NUP98: variants seen among roughly 807,000 people sequenced by gnomAD.
The protein encoded by NUP98 is nuclear pore complex protein Nup98-Nup96.
In NUP98, 26 loss-of-function variants were observed where a neutral mutation model predicts 191.9. The ratio of observed to expected loss-of-function variants is 0.14; its 90% CI spans 0.10 to 0.19. The LOEUF is 0.19. Ranked by LOEUF, NUP98 falls within the 10% of genes least tolerant of loss-of-function variation. The pLI is 1.00. For synonymous variants in NUP98, 808 were observed against 778.4 expected (o/e 1.04, Z -0.63); for missense variants, 1,941 against 2,178.8 (o/e 0.89, Z 2.17).
intron 5 of NUP98, 146 bp downstream of exon 5, chr11:3,775,736 T>C (rs1166371975): frequency 3.0e-6 from 2 of 658,852 alleles, no homozygotes; most frequent in South Asian, 2.0e-5. Context: ...CTGTCTACTA[T>C]ACAACTATTT....
chr11:3,759,817 ACTTT>A (rs1219070643), intron 10 of NUP98, among the ~76,000 whole-genome samples: 1 of 152,036 alleles, frequency 6.6e-6, no homozygotes, highest in Non-Finnish European at 1.5e-5. Flanking sequence ...AAAGGTTTCA[ACTTT>A]CTTCTATTAT....
chr11:3,697,480 T>C (rs1027146890), intron 25 of NUP98, among the ~76,000 whole-genome samples: 4 of 152,066 alleles, frequency 2.6e-5, no homozygotes, highest in Admixed American at 6.6e-5. Context: ...TCTGATCATA[T>C]TAGATTAAGC....
chr11:3,711,985 A>G (rs2079033457), intron 20 of NUP98: 1 of 1,046,700 alleles, frequency 9.6e-7, no homozygotes, highest in Non-Finnish European at 1.2e-6. Context: ...TGATACAAGT[A>G]ATTGCGATAA....
chr11:3,765,426 T>C (rs2081305008), intron 8 of NUP98, among the ~76,000 whole-genome samples: 1 of 152,240 alleles, frequency 6.6e-6, no homozygotes, highest in Non-Finnish European at 1.5e-5. Context: ...CTTTTGCTTT[T>C]GGTGTCCTAT....
chr11:3,695,866 T>G (rs549335867), intron 25 of NUP98, among the ~76,000 whole-genome samples: 1 of 152,232 alleles, frequency 6.6e-6, no homozygotes, highest in East Asian at 1.9e-4. Flanking sequence ...CCACTACTTC[T>G]GTGATACTAG....
At position 3,675,612 on chromosome 11, in the gene NUP98, A is replaced by G. The variant is rs1211137967; in HGVS notation, c.*547T>C. On this transcript the variant is annotated 3_prime_UTR_variant, in exon 33 of 33. Transcript: ENST00000324932. Reference sequence around the variant, plus strand: ...TTCACTTCTGCCCTAAGTGTGTCAGAAAGATCCCATTTTGTTTCCTAACTC... The same window carrying G: ...TTCACTTCTGCCCTAAGTGTGTCAGGAAGATCCCATTTTGTTTCCTAACTC... The G allele has an allele frequency of 1.2e-5, 3 of 241,566 alleles. No homozygotes were observed. The highest frequency in any genetic ancestry group is 6.6e-5 in the African/African-American group (3 of 45,256). 15.0% of individuals were successfully genotyped at this position (241,566 alleles called of 1,614,324 possible).
chr11:3,681,892 G>A (rs914728933), intron 30 of NUP98, among the ~76,000 whole-genome samples: 1 of 152,156 alleles, frequency 6.6e-6, no homozygotes, highest in Admixed American at 6.5e-5. Flanking sequence ...AGTCCTTGGT[G>A]GCATCTTCTT....
intron 18 of NUP98, among the ~76,000 whole-genome samples, chr11:3,719,173 A>C (rs567207397): frequency 2.4e-4 from 37 of 152,160 alleles, no homozygotes; most frequent in Non-Finnish European, 4.6e-4. Flanking sequence ...AAAATAGAAT[A>C]GAATCGAATC....
chr11:3,676,415 T>G, intron 32 of NUP98, 39 bp from the exon 33 acceptor site: 1 of 1,610,204 alleles, frequency 6.2e-7, no homozygotes, highest in South Asian at 1.1e-5. Context: ...GAGCATGGGG[T>G]CTGGAGAAGG....
At chr11:3,765,004 T>C (rs2081291261) in intron 8 of NUP98, among the ~76,000 whole-genome samples, 1 of 152,240 alleles carries the variant, frequency 6.6e-6, no homozygotes, top group Non-Finnish European at 1.5e-5. Context: ...ATATCTTCTC[T>C]GGAGAAATGT....
chr11:3,724,092 T>C (rs1186962704), intron 15 of NUP98, among the ~76,000 whole-genome samples: 1 of 151,968 alleles, frequency 6.6e-6, no homozygotes, highest in Non-Finnish European at 1.5e-5. Context: ...GGTTACAGAA[T>C]ATATCATTCG....
intron 23 of NUP98, among the ~76,000 whole-genome samples, chr11:3,701,313 G>A (rs561287683): frequency 1.2e-4 from 16 of 138,444 alleles, no homozygotes; most frequent in African/African-American, 2.2e-4. Context: ...AGGTTGGAAT[G>A]CAGTAGCGTG....
chr11:3,749,263 G>C (rs968747122), intron 11 of NUP98, among the ~76,000 whole-genome samples: 3 of 151,042 alleles, frequency 2.0e-5, no homozygotes, highest in Non-Finnish European at 4.4e-5. Context: ...AGCCGAGATT[G>C]CACCACTGCA....
chr11:3,723,243 C>T lies in NUP98; in HGVS notation c.2060G>A (p.Ser687Asn). 6.2e-7 allele frequency: 1 copy of T among 1,614,176 alleles called. No individual in the cohort carries two copies. The highest frequency in any genetic ancestry group is 8.5e-7 in the Non-Finnish European group (1 of 1,180,026). The stretch of plus-strand genomic sequence containing the variant: ...ATCATGAAAAGACGTTTCTTCACTG[C>T]TTCCTTCCAGCCCATTTCGCAAAGC... ...RAALRNGLEG[S>N]SEETSFHDES... Residue 687 changes from serine (S) to asparagine (N), a missense_variant, in exon 16 of 33, where the codon AGC becomes AAC. By Grantham distance (46) the Ser-to-Asn change is conservative (BLOSUM62 1). Transcript: ENST00000324932.
At chr11:3,773,248 T>C (rs1268885432) in intron 6 of NUP98, among the ~76,000 whole-genome samples, 1 of 151,970 alleles carries the variant, frequency 6.6e-6, no homozygotes, top group Non-Finnish European at 1.5e-5. Context: ...CAAAAAAATT[T>C]TTAAAAATTA....
intron 1 of NUP98, among the ~76,000 whole-genome samples, chr11:3,796,328 A>G (rs2082564586): frequency 1.3e-5 from 2 of 152,192 alleles, no homozygotes; most frequent in Non-Finnish European, 2.9e-5. Context: ...CCTGCTTTCT[A>G]TTCCAGTACT....
At chr11:3,764,847 G>C (rs1032906626) in intron 8 of NUP98, among the ~76,000 whole-genome samples, 13 of 152,250 alleles carry the variant, frequency 8.5e-5, no homozygotes, top group Non-Finnish European at 1.8e-4. Flanking sequence ...CAAAGTGCTG[G>C]GATTAAAGGC....
At chr11:3,789,204 C>T (rs1240281094) in intron 1 of NUP98, among the ~76,000 whole-genome samples, 5 of 152,108 alleles carry the variant, frequency 3.3e-5, no homozygotes, top group African/African-American at 1.2e-4. Flanking sequence ...TATTTTTCAA[C>T]AGGTATTTTA....
intron 8 of NUP98, among the ~76,000 whole-genome samples, chr11:3,765,106 C>T (rs904687881): frequency 6.6e-6 from 1 of 152,182 alleles, no homozygotes; most frequent in Non-Finnish European, 1.5e-5. Flanking sequence ...AGTCCTATAT[C>T]ACATGTATGA....
Sources: allele counts gnomAD v4.1 joint callset (sites outside exome capture counted in the v4.1 genomes callset), GRCh38; gene constraint gnomAD v4.1.1; transcripts MANE v1.5; gene names NCBI Gene and HGNC (gene_info 2026-07-23, HGNC 2026-07-21).